Variants in CADPS2 observed in about 807,000 individuals in gnomAD.
CADPS2 encodes calcium-dependent secretion activator 2.
Under a neutral mutation model 172.5 loss-of-function variants are expected in CADPS2, and 93 were observed. The ratio of observed to expected loss-of-function variants is 0.54; its 90% confidence interval spans 0.46 to 0.64. The LOEUF is 0.64. Ranked by LOEUF, CADPS2 falls within the 30% of genes least tolerant of loss-of-function variation. The probability of loss-of-function intolerance (pLI) is 0.00; values close to 1 mark genes in which losing one functional copy is unlikely to be tolerated. For missense variants in CADPS2, 1,420 were observed against 1,565.9 expected (o/e 0.91, Z 1.57); for synonymous variants, 546 against 555.2 (o/e 0.98, Z 0.23).
chr7:122,804,599 G>A (rs551798198), intron 1 of CADPS2, among the ~76,000 whole-genome samples: 1 of 152,220 alleles, frequency 6.6e-6, no homozygotes, highest in South Asian at 2.1e-4. Context: ...AAAAAGATGC[G>A]AAATTTAAGC....
chr7:122,548,108 T>G (rs1170167354), intron 8 of CADPS2, among the ~76,000 whole-genome samples: 4 of 152,038 alleles, frequency 2.6e-5, no homozygotes, highest in African/African-American at 9.7e-5. Flanking sequence ...TGGCTCACAC[T>G]TGTAATCTCA....
intron 12 of CADPS2, among the ~76,000 whole-genome samples, chr7:122,474,971 G>A (rs923990688): frequency 2.0e-5 from 3 of 152,140 alleles, no homozygotes; most frequent in Admixed American, 6.5e-5. Flanking sequence ...TCTTCTTTTT[G>A]TATGGAGCTT....
chr7:122,881,531 A>T, intron 1 of CADPS2, among the ~76,000 whole-genome samples: 1 of 152,176 alleles, frequency 6.6e-6, no homozygotes, highest in East Asian at 1.9e-4. Context: ...CCTATAATTA[A>T]AAGCAGCAAA....
chr7:122,837,437 A>G (rs186806541), intron 1 of CADPS2, among the ~76,000 whole-genome samples: 252 of 152,314 alleles, frequency 1.7e-3, no homozygotes, highest in Middle Eastern at 3.4e-3. Context: ...TCAGAGCACA[A>G]CTGAAGGCGA....
At chr7:122,862,475 A>G (rs1817199256) in intron 1 of CADPS2, among the ~76,000 whole-genome samples, 1 of 152,158 alleles carries the variant, frequency 6.6e-6, no homozygotes, top group African/African-American at 2.4e-5. Flanking sequence ...AGGCCTCACT[A>G]AAAACCACAG....
intron 25 of CADPS2, among the ~76,000 whole-genome samples, chr7:122,366,100 G>GTT (rs769272635): frequency 1.4e-5 from 2 of 141,814 alleles, no homozygotes; most frequent in Admixed American, 7.0e-5. Context: ...TAGCTGTTTT[G>GTT]TTTTTTTTTT....
At chr7:122,530,310 G>C (rs981206334) in intron 8 of CADPS2, among the ~76,000 whole-genome samples, 1 of 146,084 alleles carries the variant, frequency 6.8e-6, no homozygotes, top group Non-Finnish European at 1.5e-5. Context: ...TTAGGCTTAA[G>C]TTAGCTTTTT....
intron 11 of CADPS2, among the ~76,000 whole-genome samples, chr7:122,482,552 C>T (rs1460568123): frequency 2.6e-5 from 4 of 152,140 alleles, no homozygotes; most frequent in Non-Finnish European, 4.4e-5. Context: ...ATAAACTTAA[C>T]CTCCTACCTG....
Position 122,408,250 on chromosome 7 carries a change from G to A in CADPS2, c.2590-554C>T, listed in dbSNP as rs369285395. On this transcript the variant is annotated intron_variant, in intron 19 of 29. Coordinates refer to ENST00000449022, the MANE Select transcript of CADPS2 (RefSeq NM_017954.11). ...ATTTTTTGCTATTCTCAATGATAGC[G>A]TAGTAAATATTTTTACATAAATATC... Among the ~76,000 whole-genome samples the A allele has an allele frequency of 2.4e-3, 367 of 151,076 alleles. 2 individuals carry two copies. Among genetic ancestry groups the A allele is most frequent in the African/African-American group, 8.5e-3 (349 of 41,126 alleles).
At chr7:122,734,321 G>A (rs187951292) in intron 2 of CADPS2, among the ~76,000 whole-genome samples, 28 of 98,976 alleles carry the variant, frequency 2.8e-4, no homozygotes, top group African/African-American at 9.9e-4. Context: ...ATTCAAAATG[G>A]CAACTGTGAA....
intron 1 of CADPS2, among the ~76,000 whole-genome samples, chr7:122,788,118 A>G (rs1405248178): frequency 6.6e-6 from 1 of 152,216 alleles, no homozygotes; most frequent in East Asian, 1.9e-4. Flanking sequence ...TAACAGAAAC[A>G]GAGCCAGCTT....
chr7:122,840,705 C>G (rs1028955222), intron 1 of CADPS2, among the ~76,000 whole-genome samples: 1 of 152,000 alleles, frequency 6.6e-6, no homozygotes, highest in Non-Finnish European at 1.5e-5. Flanking sequence ...ATCCTGAGCC[C>G]AGAAACTTGA....
intron 2 of CADPS2, chr7:122,702,059 T>G (rs1312677669): frequency 6.2e-7 from 1 of 1,613,648 alleles, no homozygotes; most frequent in Admixed American, 1.7e-5. Context: ...TTTCTTCACA[T>G]CTGTCTTTAT....
rs1174460689 is a variant in CADPS2, at chr7:122,821,010, C to T, written c.339+64989G>A. Among the ~76,000 whole-genome samples the T allele has an allele frequency of 2.6e-3, 396 of 151,502 alleles. 1 individual carries two copies. The highest frequency in any genetic ancestry group is 8.1e-3 in the African/African-American group (337 of 41,350). ...AATCTATTTTCTTCCTCATACCTGA[C>T]GCATATACTTTCTGCTTCCTGGCTC... On this transcript the variant is annotated intron_variant, in intron 1 of 29. Coordinates refer to ENST00000449022, the MANE Select transcript of CADPS2 (RefSeq NM_017954.11).
intron 1 of CADPS2, among the ~76,000 whole-genome samples, chr7:122,804,967 G>C (rs1036352317): frequency 2.8e-4 from 43 of 152,094 alleles, no homozygotes; most frequent in African/African-American, 1.0e-3. Context: ...ACAACCTTGT[G>C]TACTTCAGTG....
At chr7:122,597,606 C>G (rs1246427101) in intron 6 of CADPS2, among the ~76,000 whole-genome samples, 1 of 152,056 alleles carries the variant, frequency 6.6e-6, no homozygotes, top group Non-Finnish European at 1.5e-5. Context: ...AAATGAATCT[C>G]TTATCATTTT....
intron 7 of CADPS2, among the ~76,000 whole-genome samples, chr7:122,571,657 A>C (rs1263302807): frequency 6.6e-6 from 1 of 152,170 alleles, no homozygotes; most frequent in African/African-American, 2.4e-5. Context: ...AAGAATTTGC[A>C]TCTTATGTGA....
intron 15 of CADPS2, among the ~76,000 whole-genome samples, chr7:122,443,977 A>G (rs1230036921): frequency 6.6e-6 from 1 of 152,106 alleles, no homozygotes; most frequent in Non-Finnish European, 1.5e-5. Context: ...ATGGCCTGCA[A>G]GTCTTCCCCC....
chr7:122,474,549 T>C (rs774014797), intron 12 of CADPS2, 32 bp from the exon 13 acceptor site: 6 of 1,598,962 alleles, frequency 3.8e-6, no homozygotes, highest in Non-Finnish European at 4.3e-6. Context: ...TACAGTATAT[T>C]TACTTTTCAG....
Sources: gnomAD v4.1 joint callset for allele counts (sites outside exome capture counted in the v4.1 genomes callset) on GRCh38, gnomAD v4.1.1 for gene constraint, MANE v1.5 for transcripts, NCBI Gene and HGNC (gene_info 2026-07-23, HGNC 2026-07-21) for gene names.